LTBP2: variants seen among roughly 807,000 people sequenced by gnomAD.
The protein encoded by LTBP2 is latent-transforming growth factor beta-binding protein 2.
Under a neutral mutation model 210.6 loss-of-function variants are expected in LTBP2, and 103 were observed. The observed-to-expected ratio is 0.49, with a 90% CI of 0.42 to 0.58. LTBP2 has a LOEUF of 0.58. Ranked by LOEUF, LTBP2 falls within the 20% of genes least tolerant of loss-of-function variation. LTBP2 has a pLI of 0.00. For synonymous variants in LTBP2, 1,007 were observed against 1,015.0 expected (o/e 0.99, Z 0.15); for missense variants, 2,313 against 2,494.5 (o/e 0.93, Z 1.55).
At chr14:74,562,519 G>T (rs11624291) in intron 3 of LTBP2, among the ~76,000 whole-genome samples, 55,290 of 151,720 alleles carry the variant, frequency 0.36, 12,232 homozygotes, top group Non-Finnish European at 0.5. Flanking sequence ...ACTCGTATCA[G>T]AGAGAAAAGA....
intron 3 of LTBP2, among the ~76,000 whole-genome samples, chr14:74,556,236 T>A (rs931285147): frequency 1.3e-5 from 2 of 152,234 alleles, no homozygotes; most frequent in African/African-American, 4.8e-5. Context: ...ACAACAATAT[T>A]CAAGGAGAAA....
chr14:74,591,579 T>G (rs370449585), intron 2 of LTBP2, among the ~76,000 whole-genome samples: 27 of 152,232 alleles, frequency 1.8e-4, no homozygotes, highest in African/African-American at 6.3e-4. Context: ...TCGCATCCTC[T>G]CTTGTTTTCA....
At chr14:74,566,070 G>GT (rs74822677) in intron 3 of LTBP2, among the ~76,000 whole-genome samples, 22,678 of 148,040 alleles carry the variant, frequency 0.15, 2,671 homozygotes, top group African/African-American at 0.34. Context: ...CTATAGCTGG[G>GT]TTTTTTTTTT....
chr14:74,501,613 A>C lies in LTBP2; in HGVS notation c.5171-23T>G, dbSNP rs1171372329. ...GCTCTGGGAGGAGGAAATCGGAGAG[A>C]GGAGGAGGCTGAGGGCTGTGTCCAG... is the stretch of plus-strand genomic sequence containing the variant. On this transcript the variant is annotated intron_variant, in intron 34 of 35. Transcript: ENST00000261978. 1.9e-6 allele frequency: 3 copies of C among 1,613,480 alleles called. No individual in the cohort carries two copies. The South Asian group carries it at 3.3e-5, about 18-fold the overall frequency.
chr14:74,603,298 T>C (rs773336019), intron 2 of LTBP2, among the ~76,000 whole-genome samples: 2 of 152,142 alleles, frequency 1.3e-5, no homozygotes, highest in Non-Finnish European at 2.9e-5. Flanking sequence ...TGGCTAATTT[T>C]GTGTTTTTAG....
Position 74,586,533 on chromosome 14 carries a change from C to G in LTBP2, c.566-415G>C, listed in dbSNP as rs181090857. Reference sequence around the variant, plus strand: ...GAGTAGATTCTCAGTAAACATGGAGCGAATGGATGAATGAATCAGTCTCTT... The same window carrying G: ...GAGTAGATTCTCAGTAAACATGGAGGGAATGGATGAATGAATCAGTCTCTT... On this transcript the variant is annotated intron_variant, in intron 2 of 35. Coordinates refer to ENST00000261978, the MANE Select transcript of LTBP2 (RefSeq NM_000428.3). This position sits in a 1 kb window ranked among gnomAD's most constrained non-coding sequence, Gnocchi z 4.6. Among the ~76,000 whole-genome samples, 9 of 152,098 alleles carry G rather than the reference C, an allele frequency of 5.9e-5. No homozygotes were observed. Among genetic ancestry groups the G allele is most frequent in the African/African-American group, 2.2e-4 (9 of 41,406 alleles).
At chr14:74,559,533 C>T (rs2087767940) in intron 3 of LTBP2, among the ~76,000 whole-genome samples, 1 of 152,114 alleles carries the variant, frequency 6.6e-6, no homozygotes, top group African/African-American at 2.4e-5. Context: ...GAGAGGCTCT[C>T]GCTGTGTGGA....
intron 2 of LTBP2, among the ~76,000 whole-genome samples, chr14:74,602,111 C>T (rs1030553578): frequency 2.6e-5 from 4 of 152,200 alleles, no homozygotes; most frequent in African/African-American, 4.8e-5. Context: ...ATCCAGGCCT[C>T]GCTGGTGTCG....
At chr14:74,611,087 C>G (rs1371050357) in intron 1 of LTBP2, among the ~76,000 whole-genome samples, 1 of 152,240 alleles carries the variant, frequency 6.6e-6, no homozygotes, top group African/African-American at 2.4e-5. Flanking sequence ...AGCGCCCACC[C>G]TCCTGCCCTC....
At chr14:74,502,465 G>A (rs558841286) in intron 34 of LTBP2, 188 bp downstream of exon 34, 2 of 738,768 alleles carry the variant, frequency 2.7e-6, no homozygotes, top group Admixed American at 2.0e-5. Flanking sequence ...AGTTTATGAC[G>A]GAGTTGTTAG....
At position 74,503,480 on chromosome 14, in the gene LTBP2, G is replaced by A. The variant is rs1173942003; in HGVS notation, c.4709C>T (p.Thr1570Ile). The A allele has an allele frequency of 1.2e-6, 2 of 1,611,892 alleles. No homozygotes were observed. Among genetic ancestry groups the A allele is most frequent in the Admixed American group, 1.7e-5 (1 of 59,892 alleles). ...TCAGGCCCACTCACCCGTGCTGCTG[G>A]TGCTGTTCATGCAGCGCTGCTGGCT... ...DLSQQRCMNS[T>I]SSTEDLPDHD... The change falls in exon 32 of 36, where the codon ACC becomes ATC. Residue 1570 changes from threonine (T) to isoleucine (I), a missense_variant. Thr to Ile is a moderately conservative substitution (Grantham distance 89). Transcript: ENST00000261978.
At chr14:74,538,144 G>A (rs10138237) in intron 8 of LTBP2, among the ~76,000 whole-genome samples, 102,480 of 152,084 alleles carry the variant, frequency 0.67, 35,837 homozygotes, top group Non-Finnish European at 0.78. Context: ...GTACAGCAAA[G>A]TTTGAGTGTC....
intron 9 of LTBP2, among the ~76,000 whole-genome samples, chr14:74,534,274 C>T (rs1162603601): frequency 2.0e-5 from 3 of 152,146 alleles, no homozygotes; most frequent in Admixed American, 1.3e-4. Context: ...ATCCAAGGCC[C>T]TCTACCTTTC....
chr14:74,554,770 C>T (rs2087707937), intron 4 of LTBP2, among the ~76,000 whole-genome samples: 2 of 152,056 alleles, frequency 1.3e-5, no homozygotes, highest in Admixed American at 1.3e-4. Context: ...ACACTAAAAG[C>T]CACTGCAGTG....
At chr14:74,568,157 C>T (rs1197549409) in intron 3 of LTBP2, among the ~76,000 whole-genome samples, 2 of 152,186 alleles carry the variant, frequency 1.3e-5, no homozygotes, top group African/African-American at 4.8e-5. Context: ...AGCGTGGTCC[C>T]GGTGCTGGGT....
intron 8 of LTBP2, among the ~76,000 whole-genome samples, chr14:74,547,203 T>G (rs1484399512): frequency 6.6e-6 from 1 of 152,236 alleles, no homozygotes; most frequent in Non-Finnish European, 1.5e-5. Flanking sequence ...TAATGTCACC[T>G]GATAGGTCTG....
At position 74,522,274 on chromosome 14, in the gene LTBP2, C is replaced by T. The variant is rs2087215153; in HGVS notation, c.2660-235G>A. 1.3e-5 allele frequency among the ~76,000 whole-genome samples: 2 copies of T among 152,200 alleles called. 1 individual carries two copies. Among genetic ancestry groups the T allele is most frequent in the South Asian group, 4.1e-4 (2 of 4,830 alleles). Reference sequence around the variant, plus strand: ...GTGACTGCCAGCCCCTCCTATCTGCCCCTCGACTCCTTCCCCCAGTAGCCT... The same window carrying T: ...GTGACTGCCAGCCCCTCCTATCTGCTCCTCGACTCCTTCCCCCAGTAGCCT... On this transcript the variant is annotated intron_variant, in intron 16 of 35. Coordinates refer to ENST00000261978, the MANE Select transcript of LTBP2 (RefSeq NM_000428.3).
At chr14:74,533,839 C>T (rs975265032) in intron 9 of LTBP2, among the ~76,000 whole-genome samples, 1 of 152,140 alleles carries the variant, frequency 6.6e-6, no homozygotes, top group African/African-American at 2.4e-5. Flanking sequence ...TATGAGGAGT[C>T]GGGGGCCATC....
intron 35 of LTBP2, 54 bp downstream of exon 35, chr14:74,501,387 C>T (rs1422424520): frequency 5.0e-6 from 8 of 1,612,954 alleles, no homozygotes; most frequent in South Asian, 4.4e-5. Context: ...TGAGTTCAGG[C>T]GTCTCTGTGG....
Sources: gnomAD v4.1 joint callset for allele counts (sites outside exome capture counted in the v4.1 genomes callset) on GRCh38, gnomAD v4.1.1 for gene constraint, Gnocchi (gnomAD v3.1) non-coding constraint, MANE v1.5 for transcripts, NCBI Gene and HGNC (gene_info 2026-07-23, HGNC 2026-07-21) for gene names.